Variants in MCTP1 observed in about 807,000 individuals in gnomAD.
MCTP1 encodes multiple C2 and transmembrane domain containing 1, also known as multiple C2 and transmembrane domain-containing protein 1.
MCTP1 carries 69 observed loss-of-function variants against 120.6 expected under a neutral mutation model. The observed-to-expected ratio is 0.57, with a 90% CI of 0.47 to 0.70. The LOEUF (loss-of-function observed/expected upper bound fraction) is 0.70, where lower values mean the gene tolerates loss of function less well. Ranked by LOEUF, MCTP1 falls within the 30% of genes least tolerant of loss-of-function variation. The pLI, the probability that MCTP1 is intolerant of heterozygous loss-of-function variation, is 0.00. For missense variants in MCTP1, 1,203 were observed against 1,248.8 expected (o/e 0.96, Z 0.55); for synonymous variants, 529 against 493.1 (o/e 1.07, Z -0.96).
intron 1 of MCTP1, among the ~76,000 whole-genome samples, chr5:95,118,047 T>C (rs1757948534): frequency 6.6e-6 from 1 of 151,960 alleles, no homozygotes. Context: ...AGGGAGAGCA[T>C]TAGGAAAAAT....
chr5:94,969,579 G>A (rs1826333934), intron 2 of MCTP1, among the ~76,000 whole-genome samples: 1 of 151,930 alleles, frequency 6.6e-6, no homozygotes, highest in Admixed American at 6.6e-5. Context: ...TTGCAACTCA[G>A]TGTCACAAGA....
At chr5:94,894,940 T>C (rs1803588001) in intron 10 of MCTP1, 105 bp from the exon 11 acceptor site, 1 of 692,582 alleles carries the variant, frequency 1.4e-6, no homozygotes, top group South Asian at 2.8e-5. Flanking sequence ...AAATATTATT[T>C]GGACCATTGG....
At chr5:94,800,997 T>C (rs1781109223) in intron 17 of MCTP1, among the ~76,000 whole-genome samples, 1 of 152,010 alleles carries the variant, frequency 6.6e-6, no homozygotes, top group South Asian at 2.1e-4. Context: ...ATATAAATAA[T>C]TGATGGTTAT....
chr5:94,965,632 A>G (rs1825408165), intron 2 of MCTP1, among the ~76,000 whole-genome samples: 2 of 152,192 alleles, frequency 1.3e-5, no homozygotes, highest in Non-Finnish European at 2.9e-5. Flanking sequence ...AAATAAGTAA[A>G]TGAATAAGTG....
intron 3 of MCTP1, among the ~76,000 whole-genome samples, chr5:94,947,704 A>G (rs816873): frequency 0.034 from 4,998 of 148,850 alleles, 124 homozygotes; most frequent in East Asian, 0.086. Context: ...TACACCTTAA[A>G]CTACTGGGTT....
At chr5:94,967,645 C>T (rs1188410054) in intron 2 of MCTP1, among the ~76,000 whole-genome samples, 2 of 152,206 alleles carry the variant, frequency 1.3e-5, no homozygotes, top group Admixed American at 1.3e-4. Context: ...GCAATAGACA[C>T]AGAGATGTTC....
intron 18 of MCTP1, among the ~76,000 whole-genome samples, chr5:94,787,928 T>C (rs1167874199): frequency 2.0e-5 from 3 of 152,190 alleles, no homozygotes; most frequent in Non-Finnish European, 4.4e-5. Flanking sequence ...GTGAGGAAAT[T>C]GAAGCATAGC....
At chr5:95,133,287 G>A (rs1022647193) in intron 1 of MCTP1, among the ~76,000 whole-genome samples, 5 of 152,152 alleles carry the variant, frequency 3.3e-5, no homozygotes, top group African/African-American at 1.2e-4. Context: ...TATACATTAT[G>A]TTCTTTCCTA....
intron 1 of MCTP1, among the ~76,000 whole-genome samples, chr5:95,050,589 C>A (rs1461908053): frequency 6.6e-6 from 1 of 152,212 alleles, no homozygotes; most frequent in African/African-American, 2.4e-5. Context: ...GGTATCATAG[C>A]TTCTCATTAC....
chr5:94,974,488 G>A (rs1349126510), intron 2 of MCTP1, among the ~76,000 whole-genome samples: 1 of 152,104 alleles, frequency 6.6e-6, no homozygotes, highest in Non-Finnish European at 1.5e-5. Flanking sequence ...GTTGGTGGCT[G>A]CAGTGAGCTC....
intron 19 of MCTP1, among the ~76,000 whole-genome samples, chr5:94,767,939 T>C (rs2216601): frequency 2.0e-5 from 3 of 152,114 alleles, no homozygotes; most frequent in African/African-American, 7.2e-5. Context: ...AAGACCCTAA[T>C]AGCCAAAGCA....
intron 1 of MCTP1, among the ~76,000 whole-genome samples, chr5:95,162,393 G>C (rs1745842956): frequency 6.6e-6 from 1 of 152,124 alleles, no homozygotes; most frequent in South Asian, 2.1e-4. Context: ...GCCTTAACTT[G>C]TAGGAGAGGA....
intron 17 of MCTP1, among the ~76,000 whole-genome samples, chr5:94,835,831 C>T (rs1789609064): frequency 1.3e-5 from 2 of 151,950 alleles, no homozygotes; most frequent in South Asian, 2.1e-4. Flanking sequence ...GGTGAAACCC[C>T]GTCTCTACTA....
At chr5:95,027,264 G>C (rs1429730540) in intron 1 of MCTP1, among the ~76,000 whole-genome samples, 1 of 152,198 alleles carries the variant, frequency 6.6e-6, no homozygotes, top group East Asian at 1.9e-4. Context: ...GGAAAGAAAA[G>C]CTTATGCTTG....
intron 19 of MCTP1, among the ~76,000 whole-genome samples, chr5:94,734,760 CTCTT>C (rs1487991256): frequency 1.3e-5 from 2 of 152,104 alleles, no homozygotes; most frequent in African/African-American, 4.8e-5. Context: ...CATGCCTAGT[CTCTT>C]TCTTTCATTT....
intron 2 of MCTP1, among the ~76,000 whole-genome samples, chr5:95,012,346 C>T (rs1836171936): frequency 6.6e-6 from 1 of 152,000 alleles, no homozygotes; most frequent in African/African-American, 2.4e-5. Flanking sequence ...TAAGTAGTTT[C>T]AGAATCAATA....
At chr5:94,858,308 T>C (rs544848917) in intron 17 of MCTP1, among the ~76,000 whole-genome samples, 15 of 151,766 alleles carry the variant, frequency 9.9e-5, no homozygotes, top group African/African-American at 3.4e-4. Context: ...GTGATTACCA[T>C]ACACACATCT....
At chr5:94,874,390 T>C (rs1213894335) in intron 12 of MCTP1, among the ~76,000 whole-genome samples, 5 of 152,144 alleles carry the variant, frequency 3.3e-5, no homozygotes, top group Non-Finnish European at 5.9e-5. Flanking sequence ...GTATTTACTT[T>C]CCATATTGCA....
rs5869653 is a variant in MCTP1 at position 94,866,546 on chromosome 5, C to CT, written c.2436+1786dup. Reference sequence around the variant, plus strand: ...CCACCTTTACTATGCCTGATTCCCTCTTTTTTTTTTTTTTTGCAAGCCTCT... The same window carrying CT: ...CCACCTTTACTATGCCTGATTCCCTCTTTTTTTTTTTTTTTTGCAAGCCTCT... On this transcript the variant is annotated intron_variant, in intron 17 of 22. Coordinates refer to ENST00000515393, the MANE Select transcript of MCTP1 (RefSeq NM_024717.7). Among the ~76,000 whole-genome samples, 485 of 129,906 alleles carry CT rather than the reference C, an allele frequency of 3.7e-3. 12 individuals are homozygous for CT. The East Asian group carries it at 0.068, about 18-fold the overall frequency. The allele number at this position is 129,906 out of a possible 152,430, so 85.2% of individuals were successfully genotyped here. A position where few individuals can be genotyped will look rare whatever the true frequency, so the allele number is the denominator to read the frequency against.
Sources: gnomAD v4.1 joint callset for allele counts (sites outside exome capture counted in the v4.1 genomes callset) on GRCh38, gnomAD v4.1.1 for gene constraint, MANE v1.5 for transcripts, NCBI Gene and HGNC (gene_info 2026-07-23, HGNC 2026-07-21) for gene names.